The following PARP9 variants were observed in gnomAD, a reference collection of about 807,000 sequenced individuals.
PARP9 encodes the protein poly(ADP-ribose) polymerase family member 9, also known as protein mono-ADP-ribosyltransferase PARP9.
In PARP9, 48 loss-of-function variants were observed where a neutral mutation model predicts 68.8. The observed-to-expected ratio is 0.70, with a 90% CI of 0.55 to 0.89. The LOEUF is 0.89. PARP9 is among the 40% of genes least tolerant of loss of function. The probability of loss-of-function intolerance (pLI) is 0.00; values close to 1 mark genes in which losing one functional copy is unlikely to be tolerated. For missense variants in PARP9, 806 were observed against 969.3 expected (o/e 0.83, Z 2.24); for synonymous variants, 309 against 333.8 (o/e 0.93, Z 0.81).
chr3:122,559,836 A>G, intron 1 of PARP9, 127 bp from the exon 2 acceptor site: 1 of 422,468 alleles, frequency 2.4e-6, no homozygotes, highest in South Asian at 7.3e-5. Context: ...CTTGATAACG[A>G]TGTACACATT....
intron 8 of PARP9, among the ~76,000 whole-genome samples, chr3:122,539,984 A>G (rs766630239): frequency 3.3e-5 from 5 of 152,228 alleles, no homozygotes; most frequent in Non-Finnish European, 7.3e-5. Flanking sequence ...AATGGGAGAT[A>G]CTTGAGTGTA....
intron 6 of PARP9, among the ~76,000 whole-genome samples, chr3:122,548,497 T>C (rs1363721890): frequency 6.6e-6 from 1 of 152,246 alleles, no homozygotes; most frequent in Non-Finnish European, 1.5e-5. Context: ...TGTATCTTAT[T>C]TCCTTTCCTT....
chr3:122,533,123 G>A (rs1165510604), intron 10 of PARP9: 1 of 152,276 alleles, frequency 6.6e-6, no homozygotes, highest in Non-Finnish European at 1.5e-5. Flanking sequence ...AACTAAGGCA[G>A]TAGGAATAGA....
chr3:122,546,983 T>C (rs1330129794), intron 6 of PARP9, among the ~76,000 whole-genome samples: 1 of 69,880 alleles, frequency 1.4e-5, no homozygotes, highest in Non-Finnish European at 3.0e-5. Flanking sequence ...TATATATATA[T>C]ATATATATAT....
intron 5 of PARP9, among the ~76,000 whole-genome samples, chr3:122,551,631 G>A (rs1418883100): frequency 6.6e-6 from 1 of 152,104 alleles, no homozygotes; most frequent in Non-Finnish European, 1.5e-5. Context: ...CCTCAGTGGA[G>A]AGTGGGCTAG....
intron 10 of PARP9, chr3:122,531,966 C>G (rs895447245): frequency 5.1e-6 from 1 of 197,184 alleles, no homozygotes; most frequent in African/African-American, 2.4e-5. Context: ...CCCTTCACTA[C>G]CCCCACTCCC....
At chr3:122,532,498 T>C (rs372789280) in intron 10 of PARP9, 7 of 899,804 alleles carry the variant, frequency 7.8e-6, no homozygotes, top group East Asian at 1.2e-4. Flanking sequence ...AATGACTGAG[T>C]TCACCTTGAA....
At chr3:122,531,156 T>A (rs570651058) in intron 10 of PARP9, among the ~76,000 whole-genome samples, 1 of 152,316 alleles carries the variant, frequency 6.6e-6, no homozygotes, top group South Asian at 2.1e-4. Flanking sequence ...ACATTTCAAG[T>A]GCTCAATAGC....
At position 122,550,614 on chromosome 3, in the gene PARP9, C is replaced by G. The variant is rs779291583; in HGVS notation, c.1296G>C (p.Val432=). The G allele has an allele frequency of 6.2e-7, 1 of 1,613,070 alleles. No individual in the cohort carries two copies. The part of the protein sequence containing the change: ...HVKHQLTVKF[V]IFPTDLEIYK... The stretch of plus-strand genomic sequence containing the variant: ...ATATCTCCAAATCTGTTGGAAAGAT[C>G]ACAAATTTTACAGTTAACTGGTGTT... The change falls in exon 6 of 11, where the codon GTG becomes GTC. Residue 432 remains valine (V), a synonymous_variant. Transcript: ENST00000682323.
At chr3:122,556,204 A>G (rs1340471467) in intron 3 of PARP9, 83 bp from the exon 4 acceptor site, 6 of 926,100 alleles carry the variant, frequency 6.5e-6, no homozygotes, top group African/African-American at 3.4e-5. Context: ...ATCCCACTTC[A>G]TACCAGGAGA....
chr3:122,555,175 T>G, intron 4 of PARP9, 111 bp downstream of exon 4: 1 of 1,130,014 alleles, frequency 8.8e-7, no homozygotes. Context: ...GCTCATATTC[T>G]TAATCCAAAC....
At chr3:122,544,342 G>A (rs537518207) in intron 7 of PARP9, among the ~76,000 whole-genome samples, 2 of 152,280 alleles carry the variant, frequency 1.3e-5, no homozygotes, top group African/African-American at 4.8e-5. Flanking sequence ...TTTGTTTAAT[G>A]CTTTCAATTT....
At chr3:122,548,595 G>A (rs2078948834) in intron 6 of PARP9, among the ~76,000 whole-genome samples, 1 of 152,212 alleles carries the variant, frequency 6.6e-6, no homozygotes, top group South Asian at 2.1e-4. Context: ...TTTAAAGGCA[G>A]AACAGCACTG....
chr3:122,553,400 A>G (rs2079375150), intron 4 of PARP9, among the ~76,000 whole-genome samples: 1 of 152,156 alleles, frequency 6.6e-6, no homozygotes, highest in African/African-American at 2.4e-5. Context: ...TTTCAGGGTA[A>G]CTCAGGTATT....
chr3:122,552,447 G>C lies in PARP9; in HGVS notation c.1078C>G (p.Leu360Val). The C allele has an allele frequency of 6.2e-7, 1 of 1,613,514 alleles. No homozygotes were observed. The highest frequency in any genetic ancestry group is 8.5e-7 in the Non-Finnish European group (1 of 1,179,622). The change falls in exon 5 of 11, where the codon CTG (leucine) becomes GTG (valine). Residue 360 changes from leucine to valine, a missense_variant. Around this residue, in one of 2 missense-constraint regions of PARP9, gnomAD observed 680 missense variants for 858.8 expected, o/e 0.79. Coordinates refer to ENST00000682323, the MANE Select transcript of PARP9 (RefSeq NM_001146105.2). ...GGTTTAGGAAATTCTGAATGCCACAGTACATGGTATATATATTTACAGAAC... is the reference window on the plus strand; with the variant it reads ...GGTTTAGGAAATTCTGAATGCCACACTACATGGTATATATATTTACAGAAC... The part of the protein sequence containing the change: ...NLFCKYIYHV[L>V]WHSEFPKPQI...
chr3:122,532,039 A>T, intron 10 of PARP9: 2 of 538,268 alleles, frequency 3.7e-6, no homozygotes, highest in Non-Finnish European at 4.7e-6. Flanking sequence ...GAACAATTGG[A>T]GGGACTCACA....
intron 6 of PARP9, among the ~76,000 whole-genome samples, chr3:122,546,320 C>G (rs1407492375): frequency 6.6e-6 from 1 of 152,192 alleles, no homozygotes; most frequent in Non-Finnish European, 1.5e-5. Flanking sequence ...TGCTGGGCGG[C>G]GGCAGCAAGC....
chr3:122,550,914 C>G, intron 5 of PARP9, 112 bp from the exon 6 acceptor site: 1 of 918,666 alleles, frequency 1.1e-6, no homozygotes, highest in South Asian at 1.6e-5. Context: ...CCTCAGGGTT[C>G]GTGTCCCTGC....
At chr3:122,553,271 G>A (rs115796352) in intron 4 of PARP9, among the ~76,000 whole-genome samples, 157 of 152,010 alleles carry the variant, frequency 1.0e-3, no homozygotes, top group African/African-American at 3.7e-3. Context: ...ACATATACAT[G>A]AGCTGTACTT....
Sources: allele counts gnomAD v4.1 joint callset (sites outside exome capture counted in the v4.1 genomes callset), GRCh38; gene constraint gnomAD v4.1.1; regional missense constraint gnomAD v4.1.1; transcripts MANE v1.5; gene names NCBI Gene and HGNC (gene_info 2026-07-23, HGNC 2026-07-21).